The following RFX3 variants were observed in gnomAD, a reference collection of about 807,000 sequenced individuals.
RFX3 encodes the protein transcription factor RFX3.
RFX3 carries 14 observed loss-of-function variants against 98.6 expected under a neutral mutation model. The ratio of observed to expected loss-of-function variants is 0.14; its 90% CI spans 0.09 to 0.22. RFX3 has a LOEUF of 0.22. Among genes scored for constraint, RFX3 ranks in the 10% least tolerant of loss-of-function variants. RFX3 has a pLI of 1.00. For missense variants in RFX3, 639 were observed against 926.9 expected (o/e 0.69, Z 4.03); for synonymous variants, 383 against 328.4 (o/e 1.17, Z -1.80).
At chr9:3,470,183 C>A (rs946459414) in intron 1 of RFX3, among the ~76,000 whole-genome samples, 2 of 151,958 alleles carry the variant, frequency 1.3e-5, no homozygotes, top group African/African-American at 4.8e-5. Context: ...AAAACAACAA[C>A]AAAAAAACAG....
chr9:3,443,167 T>G lies in RFX3; in HGVS notation c.-8-47571A>C, dbSNP rs114120151. Among the ~76,000 whole-genome samples, 921 of 152,272 alleles carry G rather than the reference T, an allele frequency of 6.0e-3. 9 individuals are homozygous for G. The highest frequency in any genetic ancestry group is 0.021 in the African/African-American group (886 of 41,552). On this transcript the variant is annotated intron_variant, in intron 1 of 16. Coordinates refer to ENST00000617270, the MANE Select transcript of RFX3 (RefSeq NM_001282116.2). ...AATTAATACCACAGAAAGAAACCAC[T>G]ACACATCCATTAGAATGGCTAACAT...
chr9:3,376,391 C>A (rs1414711495), intron 2 of RFX3, among the ~76,000 whole-genome samples: 2 of 151,992 alleles, frequency 1.3e-5, no homozygotes, highest in African/African-American at 4.8e-5. Flanking sequence ...ATGTTTGAGA[C>A]CAGAAACAAC....
chr9:3,219,401 C>T lies in RFX3; in HGVS notation c.*5641G>A, dbSNP rs1817227644. On this transcript the variant is annotated 3_prime_UTR_variant, in exon 17 of 17. Transcript: ENST00000617270. ...ATTGAGCTACATAAACAATTCTTACCAAAGATTTTCATTACTCAGGGCTTC... is the reference window on the plus strand; with the variant it reads ...ATTGAGCTACATAAACAATTCTTACTAAAGATTTTCATTACTCAGGGCTTC... 1 of 149,566 alleles carries T rather than the reference C, an allele frequency of 6.7e-6. No homozygotes were observed. The highest frequency in any genetic ancestry group is 2.5e-5 in the African/African-American group (1 of 40,566). 9.3% of individuals were successfully genotyped at this position (149,566 alleles called of 1,614,324 possible).
intron 1 of RFX3, among the ~76,000 whole-genome samples, chr9:3,433,698 T>C (rs536950095): frequency 2.0e-4 from 30 of 152,296 alleles, no homozygotes; most frequent in South Asian, 6.2e-4. Flanking sequence ...TGTTCAAACA[T>C]TGCCTATTCC....
chr9:3,481,828 T>A (rs917483373), intron 1 of RFX3, among the ~76,000 whole-genome samples: 1 of 151,902 alleles, frequency 6.6e-6, no homozygotes, highest in African/African-American at 2.4e-5. Flanking sequence ...GAAATGCAAA[T>A]TCAAATAGAT....
chr9:3,452,355 C>G (rs1426451793), intron 1 of RFX3: 1 of 328,232 alleles, frequency 3.0e-6, no homozygotes, highest in Non-Finnish European at 6.6e-6. Context: ...CTTTGGGAGG[C>G]CAAGGCAGGA....
At chr9:3,424,602 C>T (rs181143175) in intron 1 of RFX3, among the ~76,000 whole-genome samples, 1,546 of 151,856 alleles carry the variant, frequency 0.01, 21 homozygotes, top group African/African-American at 0.03. Context: ...CCTCGTGCTC[C>T]GCCCGCCTCG....
chr9:3,282,138 TG>T (rs1825994689), intron 7 of RFX3, among the ~76,000 whole-genome samples: 1 of 151,742 alleles, frequency 6.6e-6, no homozygotes, highest in African/African-American at 2.4e-5. Context: ...GTAATCTCTT[TG>T]GAAAAAACTG....
chr9:3,485,250 A>T (rs961355640), intron 1 of RFX3, among the ~76,000 whole-genome samples: 24 of 152,184 alleles, frequency 1.6e-4, no homozygotes, highest in African/African-American at 5.6e-4. Flanking sequence ...TTCCTAACCC[A>T]ATCTACTGAA....
Position 3,266,268 on chromosome 9 carries a change from G to T in RFX3, c.1395C>A (p.Ser465Arg), listed in dbSNP as rs141835714. The T allele has an allele frequency of 6.2e-7, 1 of 1,611,372 alleles. No homozygotes were observed. Among genetic ancestry groups the T allele is most frequent in the Non-Finnish European group, 8.5e-7 (1 of 1,178,322 alleles). Reference protein sequence around the residue: ...LTQAIRNFAKSLEGWLSNAMN... With the variant: ...LTQAIRNFAKRLEGWLSNAMN... ...TGGCATTGGAAAGCCAACCTTCAAG[G>T]CTTTTTGCAAAATTTCGAATGGCTT... is the stretch of plus-strand genomic sequence containing the variant. The change falls in exon 12 of 17, where the codon AGC becomes AGA. Residue 465 changes from serine to arginine, a missense_variant. This residue lies in a region of RFX3 where 138 missense variants were observed against 308.9 expected (regional missense o/e 0.45). Transcript: ENST00000617270.
chr9:3,313,059 T>C (rs564413975), intron 4 of RFX3, among the ~76,000 whole-genome samples: 2 of 152,146 alleles, frequency 1.3e-5, no homozygotes, highest in African/African-American at 2.4e-5. Context: ...AACGGACAGA[T>C]TGCCTCCTCA....
At chr9:3,427,684 G>A (rs1844247362) in intron 1 of RFX3, among the ~76,000 whole-genome samples, 2 of 151,398 alleles carry the variant, frequency 1.3e-5, no homozygotes, top group South Asian at 4.2e-4. Flanking sequence ...CTCTCTTTTG[G>A]CAGAATTAAA....
At chr9:3,482,395 G>C (rs762978151) in intron 1 of RFX3, among the ~76,000 whole-genome samples, 2 of 152,060 alleles carry the variant, frequency 1.3e-5, no homozygotes, top group Non-Finnish European at 2.9e-5. Flanking sequence ...AAGCAGATAT[G>C]TAGTCATCTG....
intron 1 of RFX3, among the ~76,000 whole-genome samples, chr9:3,420,114 C>A (rs1843316724): frequency 1.3e-5 from 2 of 152,214 alleles, no homozygotes; most frequent in South Asian, 4.1e-4. Context: ...GCCTCCCAGC[C>A]TCCGACCATC....
intron 2 of RFX3, among the ~76,000 whole-genome samples, chr9:3,351,826 C>T (rs1033680949): frequency 7.9e-5 from 12 of 151,766 alleles, no homozygotes; most frequent in African/African-American, 2.2e-4. Context: ...TTTAAGAAAA[C>T]GAGCATGCTT....
At chr9:3,495,412 TA>T (rs538134336) in intron 1 of RFX3, among the ~76,000 whole-genome samples, 32 of 152,132 alleles carry the variant, frequency 2.1e-4, no homozygotes, top group Admixed American at 1.5e-3. Context: ...TTCATTGATG[TA>T]AAAAAATGGC....
intron 15 of RFX3, among the ~76,000 whole-genome samples, chr9:3,246,046 C>A (rs1017992545): frequency 3.3e-5 from 5 of 152,084 alleles, no homozygotes. Flanking sequence ...TCTATGAGAG[C>A]AAACAGGTGT....
chr9:3,407,870 A>G (rs1842100667), intron 1 of RFX3, among the ~76,000 whole-genome samples: 1 of 152,192 alleles, frequency 6.6e-6, no homozygotes, highest in Non-Finnish European at 1.5e-5. Flanking sequence ...CAGAGTTTCT[A>G]CACTACCTCT....
At position 3,304,572 on chromosome 9, in the gene RFX3, G is replaced by A. The variant is rs192667614; in HGVS notation, c.475-2952C>T. On this transcript the variant is annotated intron_variant, in intron 4 of 16. Transcript: ENST00000617270. Reference sequence around the variant, plus strand: ...ATGTTGTGGGAGGGAGCCAGTGGGAGGTAACTGAATCATGGGGGTGGTTTC... The same window carrying A: ...ATGTTGTGGGAGGGAGCCAGTGGGAAGTAACTGAATCATGGGGGTGGTTTC... Among the ~76,000 whole-genome samples, 47 of 152,160 alleles carry A rather than the reference G, an allele frequency of 3.1e-4. No individual in the cohort carries two copies. In the East Asian group the frequency reaches 8.9e-3, roughly 29 times the overall value.
Sources: gnomAD v4.1 joint callset for allele counts (sites outside exome capture counted in the v4.1 genomes callset) on GRCh38, gnomAD v4.1.1 for gene constraint, gnomAD v4.1.1 regional missense constraint, MANE v1.5 for transcripts, NCBI Gene and HGNC (gene_info 2026-07-23, HGNC 2026-07-21) for gene names.